The following KIAA1958 variants were observed in gnomAD, a reference collection of about 807,000 sequenced individuals.
KIAA1958 encodes the protein uncharacterized protein KIAA1958.
In KIAA1958, 14 loss-of-function variants were observed where a neutral mutation model predicts 47.2. The ratio of observed to expected loss-of-function variants is 0.30; its 90% CI spans 0.20 to 0.46. The LOEUF is 0.46. Among genes scored for constraint, KIAA1958 ranks in the 20% least tolerant of loss-of-function variants. KIAA1958 has a pLI of 1.00. For missense variants in KIAA1958, 803 were observed against 909.2 expected (o/e 0.88, Z 1.50); for synonymous variants, 354 against 353.3 (o/e 1.00, Z -0.02).
rs778149624 is a variant in KIAA1958 at position 112,570,593 on chromosome 9, A to C, written c.-24-3464A>C. Among the ~76,000 whole-genome samples, 120 of 152,216 alleles carry C rather than the reference A, an allele frequency of 7.9e-4. 1 individual carries two copies. The highest frequency in any genetic ancestry group is 5.2e-4 in the Admixed American group (8 of 15,274). On this transcript the variant is annotated intron_variant, in intron 1 of 3. Transcript: ENST00000337530. Reference sequence around the variant, plus strand: ...TAACCTTGTATATTTAACTTATCACAGCCCTTTTGCAAGGGAACATTTCGT... The same window carrying C: ...TAACCTTGTATATTTAACTTATCACCGCCCTTTTGCAAGGGAACATTTCGT...
intron 3 of KIAA1958, among the ~76,000 whole-genome samples, chr9:112,656,517 C>A (rs766704341): frequency 2.0e-5 from 3 of 151,568 alleles, no homozygotes; most frequent in Non-Finnish European, 4.4e-5. Flanking sequence ...AATGTGCATA[C>A]ATTCTATTTA....
chr9:112,587,406 C>T (rs1323693702), intron 2 of KIAA1958, among the ~76,000 whole-genome samples: 2 of 152,082 alleles, frequency 1.3e-5, no homozygotes, highest in African/African-American at 2.4e-5. Flanking sequence ...CGCTTTGGCC[C>T]CCCAAAGTGC....
At chr9:112,583,030 G>C (rs899920653) in intron 2 of KIAA1958, among the ~76,000 whole-genome samples, 1 of 152,222 alleles carries the variant, frequency 6.6e-6, no homozygotes, top group African/African-American at 2.4e-5. Flanking sequence ...ATTAGAGCTT[G>C]AGAAGCAGTG....
chr9:112,545,320 CT>C (rs1190046785), intron 1 of KIAA1958, among the ~76,000 whole-genome samples: 1 of 152,134 alleles, frequency 6.6e-6, no homozygotes, highest in Non-Finnish European at 1.5e-5. Flanking sequence ...CCATCAGTAC[CT>C]ATATTCACCT....
intron 2 of KIAA1958, among the ~76,000 whole-genome samples, chr9:112,629,396 C>T (rs906289821): frequency 1.3e-5 from 2 of 152,154 alleles, no homozygotes; most frequent in Non-Finnish European, 2.9e-5. Context: ...GCCTGTTTCA[C>T]TCAAATCATA....
At chr9:112,518,505 A>G (rs1473125310) in intron 1 of KIAA1958, among the ~76,000 whole-genome samples, 1 of 152,234 alleles carries the variant, frequency 6.6e-6, no homozygotes, top group Non-Finnish European at 1.5e-5. Context: ...AAATTCTAGA[A>G]AATGCAAACT....
chr9:112,488,782 GACAA>G (rs1312420816), intron 1 of KIAA1958, among the ~76,000 whole-genome samples: 3 of 152,108 alleles, frequency 2.0e-5, no homozygotes, highest in Non-Finnish European at 4.4e-5. Context: ...CTTTTTTAAA[GACAA>G]ACTGATTTTT....
In KIAA1958 at chr9:112,664,602, T is replaced by C. The variant is rs1342847158; in HGVS notation, c.*4533T>C. ...AATGTTTCAAACTTGTATATATTTT[T>C]GAATGCTTTTGTTTTTGGAGTGAAT... On this transcript the variant is annotated 3_prime_UTR_variant, in exon 4 of 4. Coordinates refer to ENST00000337530, the MANE Select transcript of KIAA1958 (RefSeq NM_133465.4). The C allele has an allele frequency of 6.6e-6, 1 of 152,256 alleles. No individual in the cohort carries two copies. The highest frequency in any genetic ancestry group is 2.4e-5 in the African/African-American group (1 of 41,468). The allele number at this position is 152,256 out of a possible 1,614,324, so 9.4% of individuals were successfully genotyped here. A position where few individuals can be genotyped will look rare whatever the true frequency, so the allele number is the denominator to read the frequency against.
chr9:112,555,885 G>A (rs1316795741), intron 1 of KIAA1958, among the ~76,000 whole-genome samples: 3 of 149,718 alleles, frequency 2.0e-5, no homozygotes, highest in African/African-American at 4.8e-5. Flanking sequence ...GACCAGCCTG[G>A]CCAACATGGT....
Position 112,545,825 on chromosome 9 carries a change from G to GTGTTTTTTTTTTT in KIAA1958, c.-24-28231_-24-28230insGTTTTTTTTTTTT, listed in dbSNP as rs60211721. Among the ~76,000 whole-genome samples, 16 of 93,040 alleles carry GTGTTTTTTTTTTT rather than the reference G, an allele frequency of 1.7e-4. 2 individuals carry two copies. The highest frequency in any genetic ancestry group is 3.3e-4 in the Non-Finnish European group (16 of 47,912). 61.0% of individuals were successfully genotyped at this position (93,040 alleles called of 152,430 possible). ...TCTTTAGTGATACACAGGTTTCTTT[G>GTGTTTTTTTTTTT]TTTTTTTTTTTTTTTTTTTTTAGTG... is the stretch of plus-strand genomic sequence containing the variant. On this transcript the variant is annotated intron_variant, in intron 1 of 3. Transcript: ENST00000337530.
intron 2 of KIAA1958, among the ~76,000 whole-genome samples, chr9:112,625,168 TCTCG>T (rs775263126): frequency 3.3e-5 from 5 of 152,126 alleles, no homozygotes; most frequent in Admixed American, 6.5e-5. Context: ...CGAGACAGGG[TCTCG>T]CTCTGTTGTC....
intron 1 of KIAA1958, among the ~76,000 whole-genome samples, chr9:112,564,887 GC>G (rs1474461984): frequency 6.6e-6 from 1 of 152,092 alleles, no homozygotes; most frequent in East Asian, 1.9e-4. Context: ...TCAGATATTG[GC>G]TCTGCCATTT....
intron 1 of KIAA1958, among the ~76,000 whole-genome samples, chr9:112,524,918 A>G (rs1324110937): frequency 6.6e-6 from 1 of 152,194 alleles, no homozygotes; most frequent in Non-Finnish European, 1.5e-5. Flanking sequence ...CACAGAAATG[A>G]TAATATAATT....
At chr9:112,654,408 C>T (rs1389208920) in intron 3 of KIAA1958, among the ~76,000 whole-genome samples, 2 of 152,002 alleles carry the variant, frequency 1.3e-5, no homozygotes, top group South Asian at 2.1e-4. Flanking sequence ...TGGTGTTTTT[C>T]TCCTGAAAAT....
chr9:112,538,655 A>G (rs1461295755), intron 1 of KIAA1958, among the ~76,000 whole-genome samples: 1 of 152,180 alleles, frequency 6.6e-6, no homozygotes, highest in African/African-American at 2.4e-5. Flanking sequence ...CAAAAACATA[A>G]AACAAAAACT....
intron 2 of KIAA1958, among the ~76,000 whole-genome samples, chr9:112,591,272 G>C (rs1336499796): frequency 6.6e-6 from 1 of 151,930 alleles, no homozygotes; most frequent in Non-Finnish European, 1.5e-5. Flanking sequence ...TTTTAGTAGA[G>C]ACGGAGTTTC....
Position 112,568,537 on chromosome 9 carries a change from C to G in KIAA1958, c.-24-5520C>G, listed in dbSNP as rs57997142. Among the ~76,000 whole-genome samples the G allele has an allele frequency of 3.2e-3, 494 of 152,066 alleles. 3 individuals are homozygous for G. The highest frequency in any genetic ancestry group is 0.012 in the African/African-American group (482 of 41,476). ...CTGTAAGTCTTCCCGATGTTTATAC[C>G]TCCAGTTTTGGAAATGATAAGATGA... is the stretch of plus-strand genomic sequence containing the variant. On this transcript the variant is annotated intron_variant, in intron 1 of 3. Coordinates refer to ENST00000337530, the MANE Select transcript of KIAA1958 (RefSeq NM_133465.4).
intron 2 of KIAA1958, among the ~76,000 whole-genome samples, chr9:112,635,692 T>G (rs1836794013): frequency 6.6e-6 from 1 of 152,218 alleles, no homozygotes; most frequent in Non-Finnish European, 1.5e-5. Flanking sequence ...TAGTATCTTT[T>G]TACTGTCTTT....
chr9:112,621,290 A>G (rs1836502195), intron 2 of KIAA1958, among the ~76,000 whole-genome samples: 1 of 152,168 alleles, frequency 6.6e-6, no homozygotes. Flanking sequence ...TGTTCGCCTT[A>G]TTCTATAGTT....
Sources: gnomAD v4.1 joint callset for allele counts (sites outside exome capture counted in the v4.1 genomes callset) on GRCh38, gnomAD v4.1.1 for gene constraint, MANE v1.5 for transcripts, NCBI Gene and HGNC (gene_info 2026-07-23, HGNC 2026-07-21) for gene names.